The following COL6A2 variants were observed in gnomAD, a reference collection of about 807,000 sequenced individuals.
COL6A2 encodes the protein collagen type VI alpha 2 chain.
A neutral mutation model predicts 124.9 loss-of-function variants in COL6A2; 90 were observed. That is an observed-to-expected ratio of 0.72 (90% CI 0.61 to 0.86). The LOEUF (loss-of-function observed/expected upper bound fraction) is 0.86, where lower values mean the gene tolerates loss of function less well. Among genes scored for constraint, COL6A2 ranks in the 40% least tolerant of loss-of-function variants. The probability of loss-of-function intolerance (pLI) is 0.00; values close to 1 mark genes in which losing one functional copy is unlikely to be tolerated. For missense variants in COL6A2, 1,607 were observed against 1,502.5 expected (o/e 1.07, Z -1.15); for synonymous variants, 793 against 618.2 (o/e 1.28, Z -4.19).
chr21:46,127,871 G>A lies in COL6A2; in HGVS notation c.2461+1330G>A, dbSNP rs991125139. Among the ~76,000 whole-genome samples the A allele has an allele frequency of 1.3e-4, 20 of 152,242 alleles. 1 individual carries two copies. Among genetic ancestry groups the A allele is most frequent in the African/African-American group, 4.6e-4 (19 of 41,556 alleles). ...CTTTAGCCTATCATTGTAGTTGGGA[G>A]TTAGTTAGCCCGTTGAGCGTCATTG... On this transcript the variant is annotated intron_variant, in intron 27 of 27. Coordinates refer to ENST00000300527, the MANE Select transcript of COL6A2 (RefSeq NM_001849.4).
In COL6A2 at chr21:46,118,535, GTCCTGCCCCCGCAGCGGGCA is replaced by G; in HGVS notation, c.1117-72_1117-53del. On this transcript the variant is annotated intron_variant, in intron 12 of 27. Transcript: ENST00000300527. ...GGTGCAGTCCCAAGCCCGACCGTGG[GTCCTGCCCCCGCAGCGGGCA>G]TCCTGCACCCCCCTTCCCCTGCCAA... The G allele has an allele frequency of 1.0e-5, 14 of 1,392,786 alleles. No individual in the cohort carries two copies. In the South Asian group the frequency reaches 1.7e-4, roughly 17 times the overall value. 86.3% of individuals were successfully genotyped at this position (1,392,786 alleles called of 1,614,324 possible).
intron 1 of COL6A2, among the ~76,000 whole-genome samples, chr21:46,110,149 A>G (rs558433297): frequency 1.3e-5 from 2 of 152,242 alleles, no homozygotes; most frequent in East Asian, 3.9e-4. Context: ...CCCTTCACCC[A>G]GCACACCACC....
chr21:46,118,618 A>T lies in COL6A2; in HGVS notation c.1121A>T (p.Asp374Val), dbSNP rs766617171. The T allele has an allele frequency of 3.1e-6, 5 of 1,612,204 alleles. No individual in the cohort carries two copies. Among genetic ancestry groups the T allele is most frequent in the Non-Finnish European group, 4.2e-6 (5 of 1,179,810 alleles). Residue 374 changes from aspartate to valine, a missense_variant, in exon 13 of 28, where the codon GAC becomes GTC. By Grantham distance (152) the Asp-to-Val change is radical. This residue lies in a region of COL6A2 where 1,223 missense variants were observed against 1,052.2 expected (regional missense o/e 1.16). Transcript: ENST00000300527. ...TGATTCTGCAAACCCTTCCAGGGGG[A>T]CCCTGGCCGCCCAGGACGCAGAGGG... Reference protein sequence around the residue: ...GERGDQGGKGDPGRPGRRGPP... With the variant: ...GERGDQGGKGVPGRPGRRGPP...
At position 46,112,500 on chromosome 21, in the gene COL6A2, C is replaced by T. The variant is rs374196682; in HGVS notation, c.637C>T (p.Arg213Cys). The change falls in exon 3 of 28, where the codon CGC (arginine) becomes TGC (cysteine). Residue 213 changes from arginine to cysteine, a missense_variant. This residue lies in a region of COL6A2 where 342 missense variants were observed against 381.5 expected (regional missense o/e 0.90). Coordinates refer to ENST00000300527, the MANE Select transcript of COL6A2 (RefSeq NM_001849.4). ...CGCCAGCACGCCGCACGAGCTCTAC[C>T]GCAACGACTACGCCACCATGCTGCC... ...DIASTPHELYRNDYATMLPDS... is the reference protein window; with the variant it reads ...DIASTPHELYCNDYATMLPDS... 30 of 1,611,830 alleles carry T rather than the reference C, an allele frequency of 1.9e-5. No homozygotes were observed. The highest frequency in any genetic ancestry group is 1.3e-4 in the Admixed American group (8 of 59,996).
chr21:46,117,982 C>T, intron 12 of COL6A2, 46 bp downstream of exon 12: 1 of 1,572,006 alleles, frequency 6.4e-7, no homozygotes, highest in Non-Finnish European at 8.7e-7. Context: ...TCACCAGCTT[C>T]CAGGGGCCTC....
chr21:46,124,588 C>T lies in COL6A2; in HGVS notation c.1672-63C>T, dbSNP rs2078630128. Reference sequence around the variant, plus strand: ...CGTGGTTGGGGACAGCACAGGGGGCCCTGCTGTGTGCAGGGACTGTCCCTG... The same window carrying T: ...CGTGGTTGGGGACAGCACAGGGGGCTCTGCTGTGTGCAGGGACTGTCCCTG... On this transcript the variant is annotated intron_variant, in intron 21 of 27. Transcript: ENST00000300527. 11 of 1,530,746 alleles carry T rather than the reference C, an allele frequency of 7.2e-6. No homozygotes were observed. In the South Asian group the frequency reaches 1.0e-4, roughly 14 times the overall value. 94.8% of individuals were successfully genotyped at this position (1,530,746 alleles called of 1,614,324 possible).
At chr21:46,123,504 G>A (rs989924017) in intron 21 of COL6A2, among the ~76,000 whole-genome samples, 3 of 152,068 alleles carry the variant, frequency 2.0e-5, no homozygotes, top group Non-Finnish European at 4.4e-5. Context: ...GATGGATAAC[G>A]ATGGATGGAT....
intron 27 of COL6A2, among the ~76,000 whole-genome samples, chr21:46,127,370 T>G (rs1212415715): frequency 6.6e-6 from 1 of 152,006 alleles, no homozygotes; most frequent in African/African-American, 2.4e-5. Flanking sequence ...GTGGGTGAGC[T>G]GGGCCACTGA....
Position 46,116,183 on chromosome 21 carries a change from C to G in COL6A2, c.900+130C>G. 8.5e-7 allele frequency: 1 copy of G among 1,172,338 alleles called. No individual in the cohort carries two copies. Among genetic ancestry groups the G allele is most frequent in the Non-Finnish European group, 1.2e-6 (1 of 804,898 alleles). The allele number at this position is 1,172,338 out of a possible 1,614,324, so 72.6% of individuals were successfully genotyped here. A position where few individuals can be genotyped will look rare whatever the true frequency, so the allele number is the denominator to read the frequency against. On this transcript the variant is annotated intron_variant, in intron 7 of 27. Coordinates refer to ENST00000300527, the MANE Select transcript of COL6A2 (RefSeq NM_001849.4). The surrounding 1 kb of genome is among the most constrained non-coding windows in gnomAD (Gnocchi z 4.6). ...CAGTTACCAAGGAACAGAAGCACCTCGATAACTTGATGGCCGTCCCAAAAC... is the reference window on the plus strand; with the variant it reads ...CAGTTACCAAGGAACAGAAGCACCTGGATAACTTGATGGCCGTCCCAAAAC...
chr21:46,117,436 G>A lies in COL6A2; in HGVS notation c.1036G>A (p.Gly346Arg). ...LGRIGPPGCKGDPGNRGPDGY... is the reference protein window; with the variant it reads ...LGRIGPPGCKRDPGNRGPDGY... ...GCGCATCGGACCTCCTGGCTGCAAG[G>A]GAGACCCTGGAAACCGGGTAAGGGC... The change falls in exon 11 of 28, where the codon GGA (glycine) becomes AGA (arginine). Residue 346 changes from glycine to arginine, a missense_variant. By Grantham distance (125) the Gly-to-Arg change is moderately radical. This residue lies in a region of COL6A2 where 1,223 missense variants were observed against 1,052.2 expected (regional missense o/e 1.16). Transcript: ENST00000300527. The A allele has an allele frequency of 6.2e-7, 1 of 1,612,762 alleles. No homozygotes were observed. Among genetic ancestry groups the A allele is most frequent in the Non-Finnish European group, 8.5e-7 (1 of 1,179,918 alleles).
chr21:46,122,973 G>A (rs773327448), intron 21 of COL6A2, 36 bp downstream of exon 21: 3 of 1,601,618 alleles, frequency 1.9e-6, no homozygotes, highest in Non-Finnish European at 2.6e-6. Context: ...CAGCAGCTGG[G>A]CAGAGGCAGG....
chr21:46,099,806 A>G (rs6518271), intron 1 of COL6A2, among the ~76,000 whole-genome samples: 95,275 of 151,680 alleles, frequency 0.63, 30,367 homozygotes, highest in East Asian at 0.8. Flanking sequence ...GAAGGGCGGC[A>G]TCTGGGTCCA....
At chr21:46,123,751 A>G (rs2078606689) in intron 21 of COL6A2, among the ~76,000 whole-genome samples, 3 of 122,622 alleles carry the variant, frequency 2.4e-5, no homozygotes, top group Admixed American at 7.9e-5. Context: ...TGGATGGCTG[A>G]ATGGATGAGT....
At chr21:46,129,594 T>C in intron 27 of COL6A2, 1 of 1,439,904 alleles carries the variant, frequency 6.9e-7, no homozygotes, top group South Asian at 1.5e-5. Flanking sequence ...AGATCTGGAA[T>C]CGGGGTCAGC....
chr21:46,113,793 C>T, intron 4 of COL6A2: 1 of 627,424 alleles, frequency 1.6e-6, no homozygotes, highest in Non-Finnish European at 2.9e-6. Context: ...GAACACCTGA[C>T]CGAGAGCCAA....
intron 10 of COL6A2, among the ~76,000 whole-genome samples, chr21:46,117,082 A>G (rs939287162): frequency 6.6e-6 from 1 of 152,100 alleles, no homozygotes; most frequent in African/African-American, 2.4e-5. Flanking sequence ...CAACAAGCCT[A>G]CCCACTCCCA....
At chr21:46,125,167 C>G (rs779814810) in intron 23 of COL6A2, 99 bp from the exon 24 acceptor site, 19 of 1,238,852 alleles carry the variant, frequency 1.5e-5, no homozygotes, top group Non-Finnish European at 2.1e-5. Context: ...TGCCTCCACA[C>G]GTGGGCTGGA....
In COL6A2 at chr21:46,111,417, G is replaced by A; in HGVS notation, c.-27-33G>A. ...GGAGGGTGCCAGGGGAGAGGCACTG[G>A]GGGTGTCTGAGCGACCCCCACCCCT... On this transcript the variant is annotated intron_variant, in intron 1 of 27. Coordinates refer to ENST00000300527, the MANE Select transcript of COL6A2 (RefSeq NM_001849.4). 4 of 1,299,410 alleles carry A rather than the reference G, an allele frequency of 3.1e-6. No homozygotes were observed. The South Asian group carries it at 4.8e-5, about 16-fold the overall frequency. 80.5% of individuals were successfully genotyped at this position (1,299,410 alleles called of 1,614,324 possible). A position where few individuals can be genotyped will look rare whatever the true frequency, so the allele number is the denominator to read the frequency against.
Position 46,124,626 on chromosome 21 carries a change from C to T in COL6A2, c.1672-25C>T, listed in dbSNP as rs777715877. 51 of 1,611,672 alleles carry T rather than the reference C, an allele frequency of 3.2e-5. No homozygotes were observed. In the East Asian group the frequency reaches 7.1e-4, roughly 23 times the overall value. On this transcript the variant is annotated intron_variant, in intron 21 of 27. Coordinates refer to ENST00000300527, the MANE Select transcript of COL6A2 (RefSeq NM_001849.4). ...GGGACTGTCCCTGGGGCCACTGAAG[C>T]CCACCTGTTCTTGTTCCTTCTCAGG... is the stretch of plus-strand genomic sequence containing the variant.
Sources: gnomAD v4.1 joint callset for allele counts (sites outside exome capture counted in the v4.1 genomes callset) on GRCh38, gnomAD v4.1.1 for gene constraint, gnomAD v4.1.1 regional missense constraint, Gnocchi (gnomAD v3.1) non-coding constraint, MANE v1.5 for transcripts, NCBI Gene and HGNC (gene_info 2026-07-23, HGNC 2026-07-21) for gene names.